Variants in ZNF385B observed in about 807,000 individuals in gnomAD.
ZNF385B encodes the protein zinc finger protein 533.
Under a neutral mutation model 39.2 loss-of-function variants are expected in ZNF385B, and 23 were observed. The observed-to-expected ratio is 0.59, with a 90% CI of 0.42 to 0.83. The LOEUF (loss-of-function observed/expected upper bound fraction) is 0.83. Among genes scored for constraint, ZNF385B ranks in the 40% least tolerant of loss-of-function variants. The pLI is 0.00. For missense variants in ZNF385B, 552 were observed against 598.9 expected (o/e 0.92, Z 0.82); for synonymous variants, 205 against 222.6 (o/e 0.92, Z 0.70).
intron 3 of ZNF385B, among the ~76,000 whole-genome samples, chr2:179,616,169 A>T (rs1689717378): frequency 6.6e-6 from 1 of 152,144 alleles, no homozygotes; most frequent in Non-Finnish European, 1.5e-5. Flanking sequence ...TCTTAAGCAG[A>T]GATAGTAATA....
At chr2:179,456,224 T>G (rs2050689658) in intron 6 of ZNF385B, among the ~76,000 whole-genome samples, 1 of 152,164 alleles carries the variant, frequency 6.6e-6, no homozygotes, top group African/African-American at 2.4e-5. Context: ...GAAGAAAAAT[T>G]GCTGGGACAA....
chr2:179,767,329 G>A (rs1226574784), intron 3 of ZNF385B, among the ~76,000 whole-genome samples: 1 of 152,076 alleles, frequency 6.6e-6, no homozygotes, highest in East Asian at 1.9e-4. Context: ...GTAAACCTCC[G>A]CCTTTCTATC....
At chr2:179,763,957 C>A (rs573084097) in intron 3 of ZNF385B, among the ~76,000 whole-genome samples, 2 of 152,170 alleles carry the variant, frequency 1.3e-5, no homozygotes, top group South Asian at 4.1e-4. Flanking sequence ...GAGTAGAGGT[C>A]TATATAAATT....
intron 3 of ZNF385B, among the ~76,000 whole-genome samples, chr2:179,768,639 G>T (rs1703840772): frequency 6.6e-6 from 1 of 152,174 alleles, no homozygotes; most frequent in Non-Finnish European, 1.5e-5. Context: ...CCACATTTGG[G>T]AGGAGGCTTA....
At chr2:179,589,126 AAGCACCTTGGG>A (rs1251334571) in intron 3 of ZNF385B, among the ~76,000 whole-genome samples, 1 of 152,164 alleles carries the variant, frequency 6.6e-6, no homozygotes, top group Non-Finnish European at 1.5e-5. Flanking sequence ...AATCATACCC[AAGCACCTTGGG>A]AAGAATTAAG....
chr2:179,733,601 T>A (rs1429505884), intron 3 of ZNF385B, among the ~76,000 whole-genome samples: 1 of 151,856 alleles, frequency 6.6e-6, no homozygotes, highest in African/African-American at 2.4e-5. Flanking sequence ...GCTAACAGGG[T>A]GAAACCCCGT....
At chr2:179,854,372 CTT>C (rs892113452) in intron 1 of ZNF385B, among the ~76,000 whole-genome samples, 7 of 151,924 alleles carry the variant, frequency 4.6e-5, no homozygotes, top group African/African-American at 1.7e-4. Context: ...ACAAAGATCT[CTT>C]TTAACTCTAA....
At chr2:179,834,909 A>G (rs1441997984) in intron 1 of ZNF385B, among the ~76,000 whole-genome samples, 2 of 152,224 alleles carry the variant, frequency 1.3e-5, no homozygotes, top group Non-Finnish European at 2.9e-5. Context: ...ACTCAGGAGG[A>G]AACTTCAGAC....
intron 3 of ZNF385B, among the ~76,000 whole-genome samples, chr2:179,598,253 C>T (rs1049068674): frequency 6.6e-6 from 1 of 152,110 alleles, no homozygotes; most frequent in African/African-American, 2.4e-5. Context: ...CCTGAGACGA[C>T]TCAACTGCCT....
rs1297254108 is a variant in ZNF385B at position 179,518,593 on chromosome 2, A to G, written c.487T>C (p.Ser163Pro). 3.1e-6 allele frequency: 5 copies of G among 1,608,788 alleles called. No individual in the cohort carries two copies. Among genetic ancestry groups the G allele is most frequent in the Non-Finnish European group, 4.2e-6 (5 of 1,178,226 alleles). ...ACTTGTTTCTTCTTTGGGGGAATGG[A>G]TACTCCAAATGTATGGTTAATAACC... is the stretch of plus-strand genomic sequence containing the variant. ...KAVINHTFGV[S>P]IPPKKKQVIS... Residue 163 changes from serine (S) to proline (P), a missense_variant, in exon 5 of 10, where the codon TCC becomes CCC. Ser to Pro is a moderately conservative substitution (Grantham distance 74). Transcript: ENST00000410066.
chr2:179,836,968 C>T (rs912583364), intron 1 of ZNF385B, among the ~76,000 whole-genome samples: 3 of 152,116 alleles, frequency 2.0e-5, no homozygotes, highest in East Asian at 3.8e-4. Flanking sequence ...AAGCATTAAA[C>T]GATCAGAGGT....
At chr2:179,611,741 T>C (rs1360482537) in intron 3 of ZNF385B, among the ~76,000 whole-genome samples, 2 of 152,242 alleles carry the variant, frequency 1.3e-5, no homozygotes, top group Admixed American at 1.3e-4. Flanking sequence ...AATTTCCTCA[T>C]GGTTCAATCT....
At chr2:179,453,617 G>A (rs961551323) in intron 6 of ZNF385B, among the ~76,000 whole-genome samples, 2 of 152,140 alleles carry the variant, frequency 1.3e-5, no homozygotes, top group Non-Finnish European at 2.9e-5. Flanking sequence ...GATTGTGTTG[G>A]AGCAAGAAAG....
chr2:179,845,183 T>A (rs1159509384), intron 1 of ZNF385B, among the ~76,000 whole-genome samples: 1 of 152,194 alleles, frequency 6.6e-6, no homozygotes, highest in Non-Finnish European at 1.5e-5. Flanking sequence ...CATATAAATA[T>A]ATATGCTGAC....
intron 1 of ZNF385B, among the ~76,000 whole-genome samples, chr2:179,812,454 G>A (rs1208334518): frequency 6.6e-6 from 1 of 152,168 alleles, no homozygotes; most frequent in Non-Finnish European, 1.5e-5. Flanking sequence ...GGAATACTAT[G>A]TGGCCATAAA....
intron 3 of ZNF385B, among the ~76,000 whole-genome samples, chr2:179,691,710 A>G (rs1698368345): frequency 1.3e-5 from 2 of 152,170 alleles, no homozygotes; most frequent in African/African-American, 4.8e-5. Context: ...GAGCAAAAAC[A>G]AGTAATTTTT....
intron 3 of ZNF385B, among the ~76,000 whole-genome samples, chr2:179,756,661 C>T (rs1001399772): frequency 6.7e-6 from 1 of 150,250 alleles, no homozygotes; most frequent in African/African-American, 2.4e-5. Flanking sequence ...CATATACCTT[C>T]GAGGCTTTGT....
intron 6 of ZNF385B, among the ~76,000 whole-genome samples, chr2:179,449,129 T>C (rs551460238): frequency 2.2e-4 from 33 of 152,202 alleles, no homozygotes; most frequent in Admixed American, 2.2e-3. Flanking sequence ...AAAGTAAGTA[T>C]GGACTATAAG....
chr2:179,526,537 G>A (rs1200632609), intron 4 of ZNF385B, among the ~76,000 whole-genome samples: 1 of 152,060 alleles, frequency 6.6e-6, no homozygotes, highest in Non-Finnish European at 1.5e-5. Context: ...AGAGGTTGCA[G>A]TGAGCCAAGA....
Sources: allele counts gnomAD v4.1 joint callset (sites outside exome capture counted in the v4.1 genomes callset), GRCh38; gene constraint gnomAD v4.1.1; transcripts MANE v1.5; gene names NCBI Gene and HGNC (gene_info 2026-07-23, HGNC 2026-07-21).